The following GRM7 variants were observed in gnomAD, a reference collection of about 807,000 sequenced individuals.
GRM7 encodes glutamate metabotropic receptor 7.
In GRM7, 35 loss-of-function variants were observed where a neutral mutation model predicts 84.5. That is an observed-to-expected ratio of 0.41 (90% confidence interval 0.32 to 0.55). The LOEUF (loss-of-function observed/expected upper bound fraction) is 0.55. Ranked by LOEUF, GRM7 falls within the 20% of genes least tolerant of loss-of-function variation. GRM7 has a pLI of 0.19. For missense variants in GRM7, 1,003 were observed against 1,194.6 expected (o/e 0.84, Z 2.36); for synonymous variants, 487 against 455.1 (o/e 1.07, Z -0.89).
At chr3:7,146,429 G>A (rs3749448) in intron 1 of GRM7, 23 bp from the exon 2 acceptor site, 320,032 of 1,562,530 alleles carry the variant, frequency 0.2, 35,611 homozygotes, top group African/African-American at 0.42. Context: ...GCACTCTCAC[G>A]TGGTGCTTTC....
rs73015586 is a variant in GRM7, at chr3:7,472,756, C to T, written c.1515+11034C>T. Among the ~76,000 whole-genome samples, 1,253 of 152,302 alleles carry T rather than the reference C, an allele frequency of 8.2e-3. 7 individuals carry two copies. Among genetic ancestry groups the T allele is most frequent in the Middle Eastern group, 0.024 (7 of 294 alleles). ...TCACTCATCTCTCTTCCTGATCCCA[C>T]CTTATGTGAATTCATTTACTTCTTC... On this transcript the variant is annotated intron_variant, in intron 7 of 9. Coordinates refer to ENST00000357716, the MANE Select transcript of GRM7 (RefSeq NM_000844.4).
chr3:7,051,084 T>G (rs961612695), intron 1 of GRM7, among the ~76,000 whole-genome samples: 1 of 151,858 alleles, frequency 6.6e-6, no homozygotes, highest in Non-Finnish European at 1.5e-5. Context: ...AAACATATTT[T>G]CTTAGAGTTT....
At chr3:7,625,928 G>A (rs1697586453) in intron 8 of GRM7, among the ~76,000 whole-genome samples, 1 of 152,146 alleles carries the variant, frequency 6.6e-6, no homozygotes, top group Non-Finnish European at 1.5e-5. Context: ...AGGACTCAGA[G>A]TTAAAAGAGA....
intron 8 of GRM7, among the ~76,000 whole-genome samples, chr3:7,630,762 T>C (rs1229575256): frequency 6.6e-6 from 1 of 152,068 alleles, no homozygotes; most frequent in African/African-American, 2.4e-5. Context: ...CATAGACAAA[T>C]GGATTTGGGA....
At chr3:7,019,898 A>G (rs2124909665) in intron 1 of GRM7, among the ~76,000 whole-genome samples, 1 of 152,376 alleles carries the variant, frequency 6.6e-6, no homozygotes, top group East Asian at 1.9e-4. Flanking sequence ...CTATATGGTC[A>G]GGTGGTACAA....
intron 4 of GRM7, among the ~76,000 whole-genome samples, chr3:7,380,582 G>A (rs995069132): frequency 2.6e-5 from 4 of 152,180 alleles, no homozygotes; most frequent in African/African-American, 4.8e-5. Context: ...GGAAATCAAT[G>A]AATTAACTGT....
At chr3:6,882,996 T>A (rs1695566692) in intron 1 of GRM7, among the ~76,000 whole-genome samples, 1 of 152,216 alleles carries the variant, frequency 6.6e-6, no homozygotes, top group Admixed American at 6.5e-5. Context: ...TATGAGCCTA[T>A]GGAAGAGTTG....
intron 2 of GRM7, among the ~76,000 whole-genome samples, chr3:7,225,479 G>A (rs1214485463): frequency 6.8e-6 from 1 of 147,108 alleles, no homozygotes; most frequent in Non-Finnish European, 1.5e-5. Flanking sequence ...TATAATAAAT[G>A]TAAATATAAA....
In GRM7 at chr3:7,442,964, C is replaced by CCA. The variant is rs1444297006; in HGVS notation, c.1175-9642_1175-9641dup. On this transcript the variant is annotated intron_variant, in intron 5 of 9. Coordinates refer to ENST00000357716, the MANE Select transcript of GRM7 (RefSeq NM_000844.4). ...CTTCATCTCCTCTCTTGCCTCCCCCCCATACCCTCCCTGTTTCCCCCTTAT... is the reference window on the plus strand; with the variant it reads ...CTTCATCTCCTCTCTTGCCTCCCCCCCACATACCCTCCCTGTTTCCCCCTTAT... Among the ~76,000 whole-genome samples, 36 of 151,196 alleles carry CCA rather than the reference C, an allele frequency of 2.4e-4. No individual in the cohort carries two copies. In the East Asian group the frequency reaches 2.6e-3, roughly 11 times the overall value.
At chr3:6,964,180 G>A (rs1241972142) in intron 1 of GRM7, among the ~76,000 whole-genome samples, 1 of 152,134 alleles carries the variant, frequency 6.6e-6, no homozygotes, top group Non-Finnish European at 1.5e-5. Context: ...CAGTCAGCGG[G>A]GCTGCTATGA....
intron 7 of GRM7, among the ~76,000 whole-genome samples, chr3:7,469,192 G>A (rs1698589827): frequency 1.3e-5 from 2 of 152,284 alleles, no homozygotes; most frequent in Admixed American, 1.3e-4. Flanking sequence ...TTGGATGAAT[G>A]GATCAGAGGA....
chr3:6,910,048 G>C (rs910250690), intron 1 of GRM7, among the ~76,000 whole-genome samples: 1 of 152,030 alleles, frequency 6.6e-6, no homozygotes, highest in Non-Finnish European at 1.5e-5. Context: ...CATGATGTCA[G>C]CTTCCTCATT....
At chr3:7,517,292 T>C (rs1253584136) in intron 7 of GRM7, among the ~76,000 whole-genome samples, 3 of 152,194 alleles carry the variant, frequency 2.0e-5, no homozygotes, top group Non-Finnish European at 4.4e-5. Flanking sequence ...TAATAAACAT[T>C]TGTCAAACAG....
At chr3:7,654,705 C>A (rs189125995) in intron 8 of GRM7, among the ~76,000 whole-genome samples, 96 of 152,266 alleles carry the variant, frequency 6.3e-4, no homozygotes, top group African/African-American at 2.3e-3. Context: ...AGGTTGATAT[C>A]ACAGCACTGA....
At chr3:6,899,101 T>C (rs751332856) in intron 1 of GRM7, among the ~76,000 whole-genome samples, 2 of 152,182 alleles carry the variant, frequency 1.3e-5, no homozygotes, top group African/African-American at 4.8e-5. Context: ...AGTCCAGTAA[T>C]GAAGTCGGAA....
intron 2 of GRM7, among the ~76,000 whole-genome samples, chr3:7,166,323 CATT>C (rs1694797475): frequency 6.6e-6 from 1 of 152,126 alleles, no homozygotes; most frequent in Non-Finnish European, 1.5e-5. Flanking sequence ...AGAACAGAAA[CATT>C]ATATACCAAA....
Position 7,715,933 on chromosome 3 carries a change from G to A in GRM7, c.2699-24424G>A, listed in dbSNP as rs181319596. Among the ~76,000 whole-genome samples, 9 of 152,076 alleles carry A rather than the reference G, an allele frequency of 5.9e-5. No individual in the cohort carries two copies. The East Asian group carries it at 7.8e-4, about 13-fold the overall frequency. On this transcript the variant is annotated intron_variant, in intron 9 of 9. Transcript: ENST00000357716. ...CATTTCCACCTCCTCCTAAAAAGAG[G>A]CTGCAGGGATTCAGCAGCCCTTCCC...
chr3:7,148,847 G>A (rs77761223), intron 2 of GRM7, among the ~76,000 whole-genome samples: 3 of 152,084 alleles, frequency 2.0e-5, no homozygotes, highest in Admixed American at 2.0e-4. Flanking sequence ...CCTTGAGGAC[G>A]GGAGTAGCTA....
intron 7 of GRM7, among the ~76,000 whole-genome samples, chr3:7,478,307 A>G (rs898983347): frequency 3.9e-5 from 6 of 152,146 alleles, no homozygotes; most frequent in Non-Finnish European, 8.8e-5. Flanking sequence ...TTTCCCACTG[A>G]GCGCTGGGCT....
Sources: allele counts gnomAD v4.1 joint callset (sites outside exome capture counted in the v4.1 genomes callset), GRCh38; gene constraint gnomAD v4.1.1; transcripts MANE v1.5; gene names NCBI Gene and HGNC (gene_info 2026-07-23, HGNC 2026-07-21).